ASIC2: variants seen among roughly 807,000 people sequenced by gnomAD.
ASIC2 encodes acid-sensing ion channel 2.
Under a neutral mutation model 57.3 loss-of-function variants are expected in ASIC2, and 25 were observed. That is an observed-to-expected ratio of 0.44 (90% confidence interval 0.32 to 0.61). The LOEUF (loss-of-function observed/expected upper bound fraction) is 0.61. ASIC2 is among the 20% of genes least tolerant of loss of function. ASIC2 has a pLI of 0.06. For missense variants in ASIC2, 641 were observed against 738.1 expected (o/e 0.87, Z 1.52); for synonymous variants, 319 against 307.5 (o/e 1.04, Z -0.39).
At chr17:33,745,530 C>T (rs1248547350) in intron 1 of ASIC2, among the ~76,000 whole-genome samples, 3 of 140,516 alleles carry the variant, frequency 2.1e-5, no homozygotes, top group Non-Finnish European at 4.8e-5. Flanking sequence ...AAAAAAAAAT[C>T]TTAAAAGCAG....
intron 1 of ASIC2, among the ~76,000 whole-genome samples, chr17:33,200,487 C>G (rs1023086360): frequency 1.3e-5 from 2 of 152,194 alleles, no homozygotes; most frequent in Non-Finnish European, 2.9e-5. Context: ...GATGATCCTT[C>G]CCAAACCGGC....
chr17:33,764,932 A>G (rs1170167827), intron 1 of ASIC2, among the ~76,000 whole-genome samples: 2 of 152,024 alleles, frequency 1.3e-5, no homozygotes, highest in East Asian at 1.9e-4. Flanking sequence ...CTCATGGACC[A>G]TCAGCCTGGG....
Position 33,874,121 on chromosome 17 carries a change from C to T in ASIC2, c.555+281857G>A, listed in dbSNP as rs187857618. ...GCACTACTCAACTTCACCCTTTCTCCTAGGATTCGGTAGAAGTGACCATCT... is the reference window on the plus strand; with the variant it reads ...GCACTACTCAACTTCACCCTTTCTCTTAGGATTCGGTAGAAGTGACCATCT... On this transcript the variant is annotated intron_variant, in intron 1 of 9. Transcript: ENST00000359872. Among the ~76,000 whole-genome samples, 6 of 152,288 alleles carry T rather than the reference C, an allele frequency of 3.9e-5. No homozygotes were observed. The East Asian group carries it at 5.8e-4, about 15-fold the overall frequency.
chr17:33,903,904 C>T (rs1485349170), intron 1 of ASIC2, among the ~76,000 whole-genome samples: 1 of 152,090 alleles, frequency 6.6e-6, no homozygotes, highest in African/African-American at 2.4e-5. Context: ...TGGCTCATGC[C>T]TGTAATCCGA....
At chr17:33,905,113 C>T (rs1981146) in intron 1 of ASIC2, among the ~76,000 whole-genome samples, 1 of 139,048 alleles carries the variant, frequency 7.2e-6, no homozygotes, top group Non-Finnish European at 1.5e-5. Flanking sequence ...CTGCAGTAGA[C>T]AATTTGCTTG....
At chr17:33,553,848 TAATGAGGCTTA>T (rs1485230571) in intron 1 of ASIC2, among the ~76,000 whole-genome samples, 1 of 152,208 alleles carries the variant, frequency 6.6e-6, no homozygotes, top group Admixed American at 6.5e-5. Flanking sequence ...TCACACATAC[TAATGAGGCTTA>T]AATGACTGTA....
At chr17:33,812,012 T>A (rs910161597) in intron 1 of ASIC2, among the ~76,000 whole-genome samples, 7 of 152,206 alleles carry the variant, frequency 4.6e-5, no homozygotes, top group African/African-American at 1.7e-4. Context: ...ATGTCCCTTT[T>A]TCTCTCCCTG....
chr17:33,728,060 C>T (rs1909620656), intron 1 of ASIC2, among the ~76,000 whole-genome samples: 1 of 152,206 alleles, frequency 6.6e-6, no homozygotes, highest in African/African-American at 2.4e-5. Flanking sequence ...AGCACATGCT[C>T]TGCCTGGATT....
intron 1 of ASIC2, among the ~76,000 whole-genome samples, chr17:33,652,970 A>G (rs922369815): frequency 1.8e-4 from 28 of 152,200 alleles, no homozygotes; most frequent in African/African-American, 6.0e-4. Context: ...TTGGAATCCA[A>G]TTCCAATTCT....
At chr17:33,395,170 A>G (rs1306902881) in intron 1 of ASIC2, among the ~76,000 whole-genome samples, 1 of 148,976 alleles carries the variant, frequency 6.7e-6, no homozygotes, top group Non-Finnish European at 1.5e-5. Context: ...CCACCCATTT[A>G]CCCATCCACC....
chr17:33,098,314 A>G (rs2092192427), intron 2 of ASIC2, among the ~76,000 whole-genome samples: 1 of 152,204 alleles, frequency 6.6e-6, no homozygotes, highest in African/African-American at 2.4e-5. Context: ...CTGCCTATCT[A>G]AAATTGGGCA....
chr17:34,043,302 A>G (rs1274949398), intron 1 of ASIC2, among the ~76,000 whole-genome samples: 1 of 152,154 alleles, frequency 6.6e-6, no homozygotes, highest in African/African-American at 2.4e-5. Flanking sequence ...GCTTTAGTAA[A>G]TAGGTTTATT....
At chr17:33,779,960 C>T (rs1361996241) in intron 1 of ASIC2, among the ~76,000 whole-genome samples, 1 of 127,932 alleles carries the variant, frequency 7.8e-6, no homozygotes, top group Non-Finnish European at 1.6e-5. Context: ...GGTCTGGCTA[C>T]AGAAGCCTTT....
chr17:33,358,094 G>C (rs1006941213), intron 1 of ASIC2, among the ~76,000 whole-genome samples: 1 of 152,160 alleles, frequency 6.6e-6, no homozygotes, highest in African/African-American at 2.4e-5. Context: ...GCCAAATGTG[G>C]CTCGCCACCT....
chr17:33,087,158 G>C (rs2092137427), intron 3 of ASIC2, among the ~76,000 whole-genome samples: 2 of 152,198 alleles, frequency 1.3e-5, no homozygotes, highest in Admixed American at 6.5e-5. Context: ...CACCCAGGCT[G>C]CCTGTCCATC....
intron 1 of ASIC2, among the ~76,000 whole-genome samples, chr17:34,140,614 A>AT (rs1912246861): frequency 6.6e-6 from 1 of 152,248 alleles, no homozygotes; most frequent in Non-Finnish European, 1.5e-5. Flanking sequence ...CTTTCAAAAA[A>AT]TACAGGGAAA....
intron 1 of ASIC2, among the ~76,000 whole-genome samples, chr17:33,977,680 C>A (rs1000801629): frequency 6.6e-6 from 1 of 152,158 alleles, no homozygotes; most frequent in African/African-American, 2.4e-5. Flanking sequence ...CATCCTATAC[C>A]GTTTACTTTC....
intron 1 of ASIC2, among the ~76,000 whole-genome samples, chr17:33,831,075 C>G (rs1052557752): frequency 8.2e-6 from 1 of 122,180 alleles, no homozygotes; most frequent in African/African-American, 3.2e-5. Context: ...CACCACTGCA[C>G]TCCAGCCTGG....
chr17:33,522,761 G>A (rs2141956053), intron 1 of ASIC2, among the ~76,000 whole-genome samples: 1 of 152,268 alleles, frequency 6.6e-6, no homozygotes, highest in Middle Eastern at 3.4e-3. Context: ...AGTTTTATTT[G>A]CGGTGCCATG....
Sources: gnomAD v4.1 joint callset for allele counts (sites outside exome capture counted in the v4.1 genomes callset) on GRCh38, gnomAD v4.1.1 for gene constraint, MANE v1.5 for transcripts, NCBI Gene and HGNC (gene_info 2026-07-23, HGNC 2026-07-21) for gene names.